PTPRO: variants seen among roughly 807,000 people sequenced by gnomAD.
The protein encoded by PTPRO is protein tyrosine phosphatase receptor type O.
Under a neutral mutation model 145.2 loss-of-function variants are expected in PTPRO, and 62 were observed. That is an observed-to-expected ratio of 0.43 (90% CI 0.35 to 0.53). The LOEUF (loss-of-function observed/expected upper bound fraction) is 0.53, where lower values mean the gene tolerates loss of function less well. PTPRO is among the 20% of genes least tolerant of loss of function. PTPRO has a pLI of 0.01. For synonymous variants in PTPRO, 565 were observed against 514.7 expected (o/e 1.10, Z -1.32); for missense variants, 1,345 against 1,482.7 (o/e 0.91, Z 1.53).
chr12:15,594,774 AC>A (rs1309134298), intron 25 of PTPRO, among the ~76,000 whole-genome samples, 162 bp from the exon 26 acceptor site: 57 of 152,274 alleles, frequency 3.7e-4, no homozygotes, highest in African/African-American at 1.3e-3. Context: ...AAATACTTGT[AC>A]AGTTGATTCT....
intron 6 of PTPRO, among the ~76,000 whole-genome samples, chr12:15,507,392 A>G (rs993588509): frequency 1.3e-5 from 2 of 151,240 alleles, no homozygotes; most frequent in Non-Finnish European, 2.9e-5. Flanking sequence ...CCTGGGTGAC[A>G]GAGTGAGACT....
At position 15,504,087 on chromosome 12, in the gene PTPRO, CATTT is replaced by C; in HGVS notation, c.1267+19_1267+22del. The C allele has an allele frequency of 6.3e-7, 1 of 1,599,054 alleles. No homozygotes were observed. Among genetic ancestry groups the C allele is most frequent in the Non-Finnish European group, 8.6e-7 (1 of 1,166,842 alleles). ...TTATATCAGTAAGTAACAAAGAGAT[CATTT>C]TACACTTACTGGGGAGCTAGAACAA... On this transcript the variant is annotated intron_variant, in intron 6 of 26. Transcript: ENST00000281171.
At chr12:15,418,829 C>A (rs1433937372) in intron 1 of PTPRO, among the ~76,000 whole-genome samples, 2 of 151,686 alleles carry the variant, frequency 1.3e-5, no homozygotes, top group Non-Finnish European at 2.9e-5. Context: ...TAATGTGCTT[C>A]CAAACTTGCC....
intron 1 of PTPRO, among the ~76,000 whole-genome samples, chr12:15,466,949 C>A (rs766192505): frequency 6.6e-6 from 1 of 152,108 alleles, no homozygotes; most frequent in Non-Finnish European, 1.5e-5. Context: ...GCTTTGGGAT[C>A]AAAGGAATGT....
At chr12:15,595,968 A>G (rs1340407605) in intron 26 of PTPRO, 122 bp from the exon 27 acceptor site, 1 of 152,310 alleles carries the variant, frequency 6.6e-6, no homozygotes, top group African/African-American at 2.4e-5. Flanking sequence ...ACAGAGAAAG[A>G]TGCACAGATC....
chr12:15,350,409 G>A lies in PTPRO; in HGVS notation c.75+27608G>A, dbSNP rs376502390. ...AAGTAAATACTTTGCTTTAGACACT[G>A]TTTTTAACTGCTTAATGAGCATACT... On this transcript the variant is annotated intron_variant, in intron 1 of 26. Coordinates refer to ENST00000281171, the MANE Select transcript of PTPRO (RefSeq NM_030667.3). Among the ~76,000 whole-genome samples, 3 of 152,156 alleles carry A rather than the reference G, an allele frequency of 2.0e-5. No individual in the cohort carries two copies. In the East Asian group the frequency reaches 5.8e-4, roughly 29 times the overall value.
At chr12:15,469,768 C>CCAAA (rs763723552) in intron 1 of PTPRO, among the ~76,000 whole-genome samples, 2 of 110,406 alleles carry the variant, frequency 1.8e-5, no homozygotes, top group Admixed American at 9.5e-5. Flanking sequence ...AGTGTCCTGA[C>CCAAA]AAAAAAAAAA....
At chr12:15,415,565 T>G (rs1050556076) in intron 1 of PTPRO, among the ~76,000 whole-genome samples, 1 of 151,488 alleles carries the variant, frequency 6.6e-6, no homozygotes, top group Non-Finnish European at 1.5e-5. Context: ...TTTGTATTTT[T>G]AGTAGAGACG....
chr12:15,440,087 A>C (rs539792799), intron 1 of PTPRO: 1 of 633,002 alleles, frequency 1.6e-6, no homozygotes, highest in African/African-American at 1.8e-5. Context: ...AGACCGCTGC[A>C]GCTCTGTGCT....
At chr12:15,546,396 CA>C (rs1943289302) in intron 12 of PTPRO, 172 bp from the exon 13 acceptor site, 7 of 1,435,754 alleles carry the variant, frequency 4.9e-6, no homozygotes, top group Non-Finnish European at 6.4e-6. Flanking sequence ...TTCTGCCTTC[CA>C]AGTTAGATAG....
intron 1 of PTPRO, among the ~76,000 whole-genome samples, chr12:15,461,469 C>T (rs1175399566): frequency 6.6e-6 from 1 of 151,670 alleles, no homozygotes; most frequent in East Asian, 1.9e-4. Context: ...GAATAAATCT[C>T]TTTGAATATT....
At chr12:15,326,962 A>G (rs1428964526) in intron 1 of PTPRO, among the ~76,000 whole-genome samples, 1 of 152,216 alleles carries the variant, frequency 6.6e-6, no homozygotes, top group Non-Finnish European at 1.5e-5. Flanking sequence ...TAATATTTCT[A>G]TCTTTCATGG....
chr12:15,569,888 G>A (rs73313555), intron 19 of PTPRO, among the ~76,000 whole-genome samples: 4,709 of 152,232 alleles, frequency 0.031, 232 homozygotes, highest in African/African-American at 0.11. Flanking sequence ...CAGTAGTGGC[G>A]GATAGTGGAT....
chr12:15,516,557 AAGG>A (rs1942598950), intron 8 of PTPRO, among the ~76,000 whole-genome samples: 1 of 127,598 alleles, frequency 7.8e-6, no homozygotes. Context: ...GGGAGGGAAG[AAGG>A]AAGGGGGAGG....
intron 9 of PTPRO, 188 bp downstream of exon 9, chr12:15,517,144 T>C: frequency 1.5e-6 from 1 of 667,270 alleles, no homozygotes. Flanking sequence ...GAAAGAAGTT[T>C]AATTGGACTT....
At chr12:15,502,548 G>A (rs1327489365) in intron 5 of PTPRO, among the ~76,000 whole-genome samples, 1 of 152,146 alleles carries the variant, frequency 6.6e-6, no homozygotes, top group East Asian at 1.9e-4. Flanking sequence ...GTTCCCTTTA[G>A]GGTGCGCCCC....
intron 2 of PTPRO, among the ~76,000 whole-genome samples, chr12:15,487,985 G>A (rs2136446562): frequency 6.6e-6 from 1 of 152,232 alleles, no homozygotes; most frequent in South Asian, 2.1e-4. Flanking sequence ...TTCCTGCTGT[G>A]CTTTGCCAAA....
intron 7 of PTPRO, 114 bp downstream of exon 7, chr12:15,508,881 T>C: frequency 9.2e-7 from 1 of 1,091,176 alleles, no homozygotes; most frequent in East Asian, 2.6e-5. Flanking sequence ...GGGATGGGTG[T>C]GTTCTGTGAC....
intron 12 of PTPRO, among the ~76,000 whole-genome samples, chr12:15,544,506 CAA>C (rs61249816): frequency 4.1e-4 from 30 of 73,194 alleles, no homozygotes; most frequent in African/African-American, 1.1e-3. Flanking sequence ...GACTCCATCT[CAA>C]AAAAAAAAAA....
Sources: allele counts gnomAD v4.1 joint callset (sites outside exome capture counted in the v4.1 genomes callset), GRCh38; gene constraint gnomAD v4.1.1; transcripts MANE v1.5; gene names NCBI Gene and HGNC (gene_info 2026-07-23, HGNC 2026-07-21).